TBC1D1: variants seen among roughly 807,000 people sequenced by gnomAD.
TBC1D1 encodes the protein TBC1 (tre-2/USP6, BUB2, cdc16) domain family, member 1.
In TBC1D1, 89 loss-of-function variants were observed where a neutral mutation model predicts 125.6. The observed-to-expected ratio is 0.71, with a 90% CI of 0.60 to 0.85. The LOEUF is 0.85. TBC1D1 is among the 40% of genes least tolerant of loss of function. The pLI is 0.00. For synonymous variants in TBC1D1, 565 were observed against 564.1 expected, an observed-to-expected ratio of 1.00 and a Z score of -0.02; for missense variants, 1,377 against 1,469.2, an observed-to-expected ratio of 0.94 and a Z score of 1.03.
chr4:38,125,197 C>G (rs576656001), intron 18 of TBC1D1, 66 bp downstream of exon 20: 1 of 1,502,956 alleles, frequency 6.7e-7, no homozygotes, highest in Non-Finnish European at 9.1e-7. Context: ...TTAAATCTCT[C>G]TTGAGCAGGA....
At chr4:38,083,791 CT>C (rs1756990103) in intron 12 of TBC1D1, among the ~76,000 whole-genome samples, 1 of 152,174 alleles carries the variant, frequency 6.6e-6, no homozygotes, top group South Asian at 2.1e-4. Context: ...TTTTGCTGAA[CT>C]TCCAGAACAC....
chr4:37,991,694 G>A lies in TBC1D1; in HGVS notation c.418-22815G>A, dbSNP rs1578180783. Among the ~76,000 whole-genome samples the A allele has an allele frequency of 3.3e-5, 5 of 151,674 alleles. No homozygotes were observed. In the East Asian group the frequency reaches 5.8e-4, roughly 18 times the overall value. Reference sequence around the variant, plus strand: ...TAGCCTAATAAGGAAATTTTACACTGGACGATTTTATCCCAAATAAAAGCA... The same window carrying A: ...TAGCCTAATAAGGAAATTTTACACTAGACGATTTTATCCCAAATAAAAGCA... On this transcript the variant is annotated intron_variant, in intron 2 of 19. Transcript: ENST00000261439.
intron 1 of TBC1D1, among the ~76,000 whole-genome samples, chr4:37,892,830 G>C (rs547493271): frequency 6.6e-6 from 1 of 151,878 alleles, no homozygotes; most frequent in Non-Finnish European, 1.5e-5. Context: ...AGGAGGAAAC[G>C]TGCAACTCTG....
chr4:38,081,191 T>C (rs1474523594), intron 12 of TBC1D1, among the ~76,000 whole-genome samples: 1 of 152,118 alleles, frequency 6.6e-6, no homozygotes, highest in Non-Finnish European at 1.5e-5. Flanking sequence ...CCAGGCTCCC[T>C]GGCCTCCTGC....
chr4:38,025,788 T>C (rs1190954322), intron 6 of TBC1D1, among the ~76,000 whole-genome samples: 2 of 152,254 alleles, frequency 1.3e-5, no homozygotes, highest in African/African-American at 2.4e-5. Context: ...ATTTAAGTAG[T>C]TGATACAGTA....
intron 2 of TBC1D1, among the ~76,000 whole-genome samples, 153 bp downstream of exon 2, chr4:37,902,665 G>T (rs2152228047): frequency 6.6e-6 from 1 of 152,332 alleles, no homozygotes; most frequent in South Asian, 2.1e-4. Context: ...GTTTTATGGT[G>T]ATAGTTTATA....
At chr4:38,123,708 T>C (rs1433223037) in intron 17 of TBC1D1, among the ~76,000 whole-genome samples, 1 of 152,038 alleles carries the variant, frequency 6.6e-6, no homozygotes, top group Admixed American at 6.5e-5. Flanking sequence ...AGAAGCAGGC[T>C]GATCTCAGCG....
chr4:38,094,276 A>G (rs1044035251), intron 13 of TBC1D1, among the ~76,000 whole-genome samples: 9 of 152,226 alleles, frequency 5.9e-5, no homozygotes, highest in Admixed American at 5.9e-4. Context: ...AGTAGGCACA[A>G]ATCAGACCTG....
At chr4:38,083,952 T>TTTTTC (rs1553933785) in intron 12 of TBC1D1, among the ~76,000 whole-genome samples, 16 of 150,976 alleles carry the variant, frequency 1.1e-4, no homozygotes, top group African/African-American at 3.9e-4. Context: ...TTTTTTTTTT[T>TTTTTC]CTTGAGACAG....
rs183100773 is a variant in TBC1D1 at position 38,117,709 on chromosome 4, G to A, written c.2803-324G>A. Among the ~76,000 whole-genome samples, 17 of 152,296 alleles carry A rather than the reference G, an allele frequency of 1.1e-4. No homozygotes were observed. The East Asian group carries it at 3.3e-3, about 29-fold the overall frequency. On this transcript the variant is annotated intron_variant, in intron 16 of 19. Transcript: ENST00000261439. ...TGAGTTGTGCAAAGAGTATGTATTT[G>A]TAAGAGAATTTATGAAATGTTTGCA... is the stretch of plus-strand genomic sequence containing the variant.
At chr4:37,983,791 A>G (rs1285466910) in intron 2 of TBC1D1, among the ~76,000 whole-genome samples, 1 of 152,202 alleles carries the variant, frequency 6.6e-6, no homozygotes, top group Non-Finnish European at 1.5e-5. Flanking sequence ...ATTAGGGTTC[A>G]CTGTTGGTGA....
At chr4:38,046,731 A>G (rs547042514) in intron 10 of TBC1D1, among the ~76,000 whole-genome samples, 4 of 152,364 alleles carry the variant, frequency 2.6e-5, no homozygotes, top group African/African-American at 9.6e-5. Flanking sequence ...TATTTAAATA[A>G]GCAAGTATCT....
chr4:37,954,558 G>T (rs1394626824), intron 2 of TBC1D1, among the ~76,000 whole-genome samples: 1 of 152,174 alleles, frequency 6.6e-6, no homozygotes, highest in East Asian at 1.9e-4. Flanking sequence ...TCACAGGTAG[G>T]TTGAGGCCAG....
intron 2 of TBC1D1, among the ~76,000 whole-genome samples, chr4:37,943,687 A>C (rs899612173): frequency 2.0e-5 from 3 of 152,198 alleles, no homozygotes; most frequent in African/African-American, 7.2e-5. Flanking sequence ...CAGCTCCATC[A>C]GGTCCTTTAA....
At position 38,137,297 on chromosome 4, in the gene TBC1D1, G is replaced by A. The variant is rs753287454; in HGVS notation, c.3469G>A (p.Glu1157Lys). The A allele has an allele frequency of 1.9e-6, 3 of 1,611,508 alleles. No homozygotes were observed. The highest frequency in any genetic ancestry group is 2.5e-6 in the Non-Finnish European group (3 of 1,179,848). Residue 1157 changes from glutamate to lysine, a missense_variant, in exon 20 of 20, where the codon GAG becomes AAG. This residue lies in a region of TBC1D1 where 543 missense variants were observed against 613.5 expected (regional missense o/e 0.89). Transcript: ENST00000261439. ...GCGGAGCGCAGAGCCCAGCGACCGG[G>A]AGCCTGAGTGCACGCAGCCCGAGCC...
intron 2 of TBC1D1, among the ~76,000 whole-genome samples, chr4:37,936,145 C>T (rs933916893): frequency 6.6e-6 from 1 of 152,084 alleles, no homozygotes; most frequent in African/African-American, 2.4e-5. Flanking sequence ...CAGTGGAGGC[C>T]TAAAACTGAC....
chr4:38,110,714 C>T, intron 15 of TBC1D1: 1 of 985,344 alleles, frequency 1.0e-6, no homozygotes, highest in Non-Finnish European at 1.2e-6. Flanking sequence ...ATGTAAAGGA[C>T]CTGCACTTCT....
At position 37,902,277 on chromosome 4, in the gene TBC1D1, C is replaced by A; in HGVS notation, c.182C>A (p.Thr61Asn). Residue 61 changes from threonine (T) to asparagine (N), a missense_variant, in exon 2 of 20, where the codon ACC becomes AAC. Thr to Asn is a moderately conservative substitution (Grantham distance 65). This residue lies in a region of TBC1D1 where 822 missense variants were observed against 824.6 expected (regional missense o/e 1.00). Coordinates refer to ENST00000261439, the MANE Select transcript of TBC1D1 (RefSeq NM_015173.4). ...CAGTCCACCAGAAAGGAACCTGTAA[C>A]CAAGCAAGTCCGGCTTTGCGTTTCA... is the stretch of plus-strand genomic sequence containing the variant. 1 of 1,614,046 alleles carries A rather than the reference C, an allele frequency of 6.2e-7. No homozygotes were observed. Among genetic ancestry groups the A allele is most frequent in the South Asian group, 1.1e-5 (1 of 91,076 alleles).
chr4:37,976,276 G>A (rs1733064237), intron 2 of TBC1D1, among the ~76,000 whole-genome samples: 1 of 152,220 alleles, frequency 6.6e-6, no homozygotes, highest in South Asian at 2.1e-4. Flanking sequence ...TTCAGTCCCA[G>A]GCCAGTCTTG....
Sources: gnomAD v4.1 joint callset for allele counts (sites outside exome capture counted in the v4.1 genomes callset) on GRCh38, gnomAD v4.1.1 for gene constraint, gnomAD v4.1.1 regional missense constraint, MANE v1.5 for transcripts, NCBI Gene and HGNC (gene_info 2026-07-23, HGNC 2026-07-21) for gene names.